Variants in SEMA4D observed in about 807,000 individuals in gnomAD.
SEMA4D encodes semaphorin 4D.
SEMA4D carries 22 observed loss-of-function variants against 74.8 expected under a neutral mutation model. That is an observed-to-expected ratio of 0.29 (90% confidence interval 0.21 to 0.42). The LOEUF (loss-of-function observed/expected upper bound fraction) is 0.42, where lower values mean the gene tolerates loss of function less well. SEMA4D is among the 10% of genes least tolerant of loss of function. The pLI is 1.00. For missense variants in SEMA4D, 937 were observed against 1,118.4 expected, an observed-to-expected ratio of 0.84 and a Z score of 2.31; for synonymous variants, 445 against 463.7, an observed-to-expected ratio of 0.96 and a Z score of 0.52.
At chr9:89,485,901 C>A (rs921753681) in intron 1 of SEMA4D, among the ~76,000 whole-genome samples, 2 of 151,856 alleles carry the variant, frequency 1.3e-5, no homozygotes, top group Non-Finnish European at 2.9e-5. Context: ...AATCACAACT[C>A]CTGGCTTCAC....
rs149964196 is a variant in SEMA4D, at chr9:89,398,931, GAACA to G, written c.315+341_315+344del. The stretch of plus-strand genomic sequence containing the variant: ...TAAGGCCTCTGGGTGCAAGGAGGCA[GAACA>G]AACCCTGAATTTCTGCACTATTCAC... On this transcript the variant is annotated intron_variant, in intron 5 of 15. Coordinates refer to ENST00000422704, the MANE Select transcript of SEMA4D (RefSeq NM_001371194.2). Among the ~76,000 whole-genome samples, 6 of 152,354 alleles carry G rather than the reference GAACA, an allele frequency of 3.9e-5. No homozygotes were observed. In the East Asian group the frequency reaches 7.7e-4, roughly 20 times the overall value.
chr9:89,455,449 G>A lies in SEMA4D; in HGVS notation c.-244+439C>T, dbSNP rs544188589. On this transcript the variant is annotated intron_variant, in intron 2 of 15. Transcript: ENST00000422704. The stretch of plus-strand genomic sequence containing the variant: ...CCAGATCCCGAAGACCCCTAGGGTC[G>A]GGTGAAAGACCACCTTCAACAACCC... 7.2e-5 allele frequency among the ~76,000 whole-genome samples: 11 copies of A among 152,278 alleles called. No homozygotes were observed. In the East Asian group the frequency reaches 1.7e-3, roughly 24 times the overall value.
At chr9:89,460,575 G>A (rs565201838) in intron 1 of SEMA4D, among the ~76,000 whole-genome samples, 14 of 152,344 alleles carry the variant, frequency 9.2e-5, no homozygotes, top group Admixed American at 5.9e-4. Context: ...CTGCCTCCTG[G>A]AAGACCGGTA....
intron 2 of SEMA4D, among the ~76,000 whole-genome samples, chr9:89,454,332 TA>T (rs1855410658): frequency 6.6e-6 from 1 of 152,126 alleles, no homozygotes; most frequent in Non-Finnish European, 1.5e-5. Context: ...CATCAACCTT[TA>T]ATCCATGTCT....
rs145925501 is a variant in SEMA4D, at chr9:89,460,605, T to C, written c.-309-4652A>G. ...CCGGTACTCACATGTTTAACCGAGGTTCCACCGGTTCAGACCCACTGCTCA... is the reference window on the plus strand; with the variant it reads ...CCGGTACTCACATGTTTAACCGAGGCTCCACCGGTTCAGACCCACTGCTCA... On this transcript the variant is annotated intron_variant, in intron 1 of 15. Transcript: ENST00000422704. Among the ~76,000 whole-genome samples, 87 of 152,342 alleles carry C rather than the reference T, an allele frequency of 5.7e-4. No individual in the cohort carries two copies. In the South Asian group the frequency reaches 9.3e-3, roughly 16 times the overall value.
intron 6 of SEMA4D, among the ~76,000 whole-genome samples, chr9:89,396,132 T>C (rs1221500813): frequency 2.0e-5 from 3 of 152,124 alleles, no homozygotes; most frequent in African/African-American, 7.2e-5. Flanking sequence ...GACTTGCTTC[T>C]CAAGGTGCTC....
At chr9:89,459,950 G>A (rs77089813) in intron 1 of SEMA4D, among the ~76,000 whole-genome samples, 1 of 152,150 alleles carries the variant, frequency 6.6e-6, no homozygotes, top group Non-Finnish European at 1.5e-5. Flanking sequence ...CAGGAGGTAA[G>A]AAATCCCCTG....
chr9:89,382,581 A>ACAG (rs748681698), intron 13 of SEMA4D, among the ~76,000 whole-genome samples: 73 of 152,052 alleles, frequency 4.8e-4, no homozygotes, highest in Non-Finnish European at 7.4e-4. Flanking sequence ...CGCTGGCCTC[A>ACAG]CAGCAGCAGC....
downstream of SEMA4D, among the ~76,000 whole-genome samples, chr9:89,373,784 C>T (rs184028676): frequency 5.8e-4 from 89 of 152,322 alleles, no homozygotes; most frequent in African/African-American, 2.0e-3. Flanking sequence ...GTATTGCAAT[C>T]TCCAGGCTCT....
At chr9:89,394,086 A>G (rs1457042693) in intron 6 of SEMA4D, among the ~76,000 whole-genome samples, 1 of 152,260 alleles carries the variant, frequency 6.6e-6, no homozygotes, top group Non-Finnish European at 1.5e-5. Flanking sequence ...AGGAAGCAGA[A>G]AAACATAAAC....
intron 2 of SEMA4D, among the ~76,000 whole-genome samples, chr9:89,407,312 C>T (rs1189835818): frequency 7.4e-6 from 1 of 135,182 alleles, no homozygotes; most frequent in Admixed American, 7.0e-5. Flanking sequence ...TTCCCTCAGT[C>T]CTTCTCTTCC....
chr9:89,466,414 C>T (rs150755589), intron 1 of SEMA4D, among the ~76,000 whole-genome samples: 61 of 152,210 alleles, frequency 4.0e-4, no homozygotes, highest in East Asian at 1.3e-3. Flanking sequence ...CTTTCCCTTC[C>T]GGCTTTCCCC....
chr9:89,424,238 G>A (rs1285417552), intron 2 of SEMA4D, among the ~76,000 whole-genome samples: 1 of 152,164 alleles, frequency 6.6e-6, no homozygotes, highest in Non-Finnish European at 1.5e-5. Flanking sequence ...AGGCATGGAC[G>A]TTAAACACAA....
intron 2 of SEMA4D, among the ~76,000 whole-genome samples, chr9:89,454,958 A>G (rs1030412670): frequency 1.3e-5 from 2 of 152,226 alleles, no homozygotes; most frequent in African/African-American, 4.8e-5. Context: ...TTTACAGAGA[A>G]GGAAACTGAA....
intron 1 of SEMA4D, chr9:89,479,525 T>G (rs369890116): frequency 1.5e-4 from 27 of 182,158 alleles, no homozygotes; most frequent in South Asian, 1.4e-3. Context: ...CTCACTGACT[T>G]CAAGAATGAA....
chr9:89,403,095 G>A, intron 3 of SEMA4D, 79 bp from the exon 4 acceptor site: 5 of 1,509,950 alleles, frequency 3.3e-6, no homozygotes, highest in Non-Finnish European at 4.5e-6. Flanking sequence ...GCACATCCTA[G>A]GTCCCTGTCT....
intron 2 of SEMA4D, among the ~76,000 whole-genome samples, chr9:89,410,265 T>C (rs1005914725): frequency 6.6e-6 from 1 of 152,220 alleles, no homozygotes; most frequent in African/African-American, 2.4e-5. Context: ...CAGATAACAG[T>C]AGAATGCACA....
chr9:89,480,453 C>T (rs1260069440), intron 1 of SEMA4D, among the ~76,000 whole-genome samples: 1 of 152,184 alleles, frequency 6.6e-6, no homozygotes, highest in Non-Finnish European at 1.5e-5. Context: ...TGGGACTGGG[C>T]GCCGTGGAGC....
At chr9:89,368,998 A>G (rs920908769) in intron 16 of SEMA4D, 1 of 152,246 alleles carries the variant, frequency 6.6e-6, no homozygotes, top group African/African-American at 2.4e-5. Flanking sequence ...TATCCCAGAT[A>G]ACAGAAGAGA....
Sources: gnomAD v4.1 joint callset for allele counts (sites outside exome capture counted in the v4.1 genomes callset) on GRCh38, gnomAD v4.1.1 for gene constraint, MANE v1.5 for transcripts, NCBI Gene and HGNC (gene_info 2026-07-23, HGNC 2026-07-21) for gene names.